SGCD: variants seen among roughly 807,000 people sequenced by gnomAD.
The protein encoded by SGCD is delta-sarcoglycan.
In SGCD, 18 loss-of-function variants were observed where a neutral mutation model predicts 36.6. That is an observed-to-expected ratio of 0.49 (90% CI 0.34 to 0.73). The LOEUF (loss-of-function observed/expected upper bound fraction) is 0.73. Ranked by LOEUF, SGCD falls within the 30% of genes least tolerant of loss-of-function variation. SGCD has a pLI of 0.01. For synonymous variants in SGCD, 133 were observed against 130.6 expected, an observed-to-expected ratio of 1.02 and a Z score of -0.12; for missense variants, 387 against 346.7, an observed-to-expected ratio of 1.12 and a Z score of -0.92.
intron 6 of SGCD, among the ~76,000 whole-genome samples, chr5:156,631,199 C>A (rs528764841): frequency 6.6e-6 from 1 of 152,274 alleles, no homozygotes; most frequent in African/African-American, 2.4e-5. Context: ...GGTAATTCAT[C>A]TTTATTTCCT....
chr5:155,743,029 G>C, the SGCD span, among the ~76,000 whole-genome samples: 6 of 152,278 alleles, frequency 3.9e-5, no homozygotes, highest in Middle Eastern at 3.4e-3. Context: ...GCCCTCTCTA[G>C]GTGTACCATC....
intron 1 of SGCD, among the ~76,000 whole-genome samples, chr5:155,881,006 T>C (rs1307628548): frequency 6.6e-6 from 1 of 152,106 alleles, no homozygotes; most frequent in East Asian, 1.9e-4. Context: ...ATTTAAAAAA[T>C]GTGGATTCAG....
At chr5:155,964,647 G>A (rs553217381) in intron 1 of SGCD, among the ~76,000 whole-genome samples, 55 of 152,168 alleles carry the variant, frequency 3.6e-4, no homozygotes, top group East Asian at 1.9e-4. Context: ...ATTCTAGATA[G>A]AAATGCTACT....
intron 1 of SGCD, among the ~76,000 whole-genome samples, chr5:155,924,052 G>A (rs920894982): frequency 3.8e-4 from 58 of 151,970 alleles, no homozygotes; most frequent in African/African-American, 1.3e-3. Context: ...TGAATACAGT[G>A]CTCTCTGGTG....
At chr5:156,685,442 G>A (rs1753868393) in intron 7 of SGCD, among the ~76,000 whole-genome samples, 1 of 152,186 alleles carries the variant, frequency 6.6e-6, no homozygotes, top group African/African-American at 2.4e-5. Context: ...GGCATATGCT[G>A]TCTAGAATGC....
At chr5:156,046,188 T>C (rs1759761165) in intron 1 of SGCD, among the ~76,000 whole-genome samples, 1 of 152,156 alleles carries the variant, frequency 6.6e-6, no homozygotes, top group Admixed American at 6.6e-5. Context: ...ATGAGCTTCA[T>C]TTCCTATATT....
At chr5:156,251,465 A>G (rs975959882) in intron 3 of SGCD, among the ~76,000 whole-genome samples, 1 of 152,054 alleles carries the variant, frequency 6.6e-6, no homozygotes, top group African/African-American at 2.4e-5. Context: ...GAAAATATAC[A>G]GAATTATTCA....
intron 3 of SGCD, among the ~76,000 whole-genome samples, chr5:156,261,810 A>G (rs577802650): frequency 2.2e-4 from 34 of 152,294 alleles, no homozygotes; most frequent in African/African-American, 7.0e-4. Context: ...GACCCTGTGT[A>G]GCCCCTAGGC....
rs3074979 is a variant in SGCD at position 156,482,813 on chromosome 5, G to GTTTTTTTT, written c.193-25770_193-25763dup. Among the ~76,000 whole-genome samples the GTTTTTTTT allele has an allele frequency of 6.7e-4, 56 of 83,382 alleles. 4 individuals are homozygous for GTTTTTTTT. The highest frequency in any genetic ancestry group is 2.0e-3 in the East Asian group (5 of 2,454). The allele number at this position is 83,382 out of a possible 152,430, so 54.7% of individuals were successfully genotyped here. On this transcript the variant is annotated intron_variant, in intron 3 of 8. Coordinates refer to ENST00000337851, the MANE Select transcript of SGCD (RefSeq NM_000337.6). Reference sequence around the variant, plus strand: ...GCAGGTAGTATTATCCTTTTGGTCAGTTTTTTTTTTTTTTTTTTTTTTTTT... The same window carrying GTTTTTTTT: ...GCAGGTAGTATTATCCTTTTGGTCAGTTTTTTTTTTTTTTTTTTTTTTTTTTTTTTTTT...
intron 1 of SGCD, among the ~76,000 whole-genome samples, chr5:156,068,879 G>T (rs1760434000): frequency 6.6e-6 from 1 of 151,948 alleles, no homozygotes. Flanking sequence ...GCCAGTGATG[G>T]TGAGCATTTT....
chr5:155,746,397 AAAAAG>A, the SGCD span, among the ~76,000 whole-genome samples: 15 of 152,038 alleles, frequency 9.9e-5, no homozygotes, highest in Admixed American at 1.3e-4. Context: ...TGTCTCAAAA[AAAAAG>A]AACACTCCAG....
intron 3 of SGCD, among the ~76,000 whole-genome samples, chr5:156,217,952 A>C (rs1764615284): frequency 6.6e-6 from 1 of 152,188 alleles, no homozygotes; most frequent in African/African-American, 2.4e-5. Flanking sequence ...TCTCTAATAT[A>C]ATTTTAATAA....
chr5:155,891,461 C>T (rs1224312540), intron 1 of SGCD, among the ~76,000 whole-genome samples: 1 of 150,798 alleles, frequency 6.6e-6, no homozygotes, highest in Non-Finnish European at 1.5e-5. Flanking sequence ...TAATAGTACT[C>T]ATCTAATTAA....
chr5:155,903,422 C>T (rs1756431512), intron 1 of SGCD, among the ~76,000 whole-genome samples: 1 of 152,136 alleles, frequency 6.6e-6, no homozygotes, highest in Non-Finnish European at 1.5e-5. Flanking sequence ...AAGGTCTCTT[C>T]ATAGATCTCT....
At chr5:156,423,400 AT>A (rs1561685992) in intron 3 of SGCD, among the ~76,000 whole-genome samples, 7 of 91,940 alleles carry the variant, frequency 7.6e-5, no homozygotes, top group African/African-American at 1.9e-4. Flanking sequence ...ATTATATTTT[AT>A]TATAATATAA....
At chr5:156,410,190 AT>A (rs1385320246) in intron 3 of SGCD, among the ~76,000 whole-genome samples, 1 of 152,212 alleles carries the variant, frequency 6.6e-6, no homozygotes, top group Non-Finnish European at 1.5e-5. Flanking sequence ...TATATACACC[AT>A]GGAATACTAC....
the SGCD span, among the ~76,000 whole-genome samples, chr5:155,815,177 G>A: frequency 9.5e-4 from 145 of 152,170 alleles, no homozygotes; most frequent in African/African-American, 3.3e-3. Flanking sequence ...ACATTTAAGG[G>A]TTCTGTATTC....
the SGCD span, among the ~76,000 whole-genome samples, chr5:155,861,403 A>G: frequency 2.0e-5 from 3 of 152,112 alleles, no homozygotes; most frequent in African/African-American, 7.2e-5. Flanking sequence ...TTCTTGTGGC[A>G]TAGAAGTTGC....
At chr5:156,275,080 A>G (rs989706642) in intron 3 of SGCD, among the ~76,000 whole-genome samples, 3 of 152,190 alleles carry the variant, frequency 2.0e-5, no homozygotes. Flanking sequence ...TTAAAAATGT[A>G]TAACTCAAGC....
Sources: gnomAD v4.1 joint callset for allele counts (sites outside exome capture counted in the v4.1 genomes callset) on GRCh38, gnomAD v4.1.1 for gene constraint, MANE v1.5 for transcripts, NCBI Gene and HGNC (gene_info 2026-07-23, HGNC 2026-07-21) for gene names.